LARP1B: variants seen among roughly 807,000 people sequenced by gnomAD.
LARP1B encodes the protein la-related protein 1B.
In LARP1B, 76 loss-of-function variants were observed where a neutral mutation model predicts 114.2. The observed-to-expected ratio is 0.67, with a 90% confidence interval of 0.55 to 0.81. The LOEUF (loss-of-function observed/expected upper bound fraction) is 0.81. Ranked by LOEUF, LARP1B falls within the 30% of genes least tolerant of loss-of-function variation. The pLI is 0.00. For synonymous variants in LARP1B, 345 were observed against 348.0 expected (o/e 0.99, Z 0.10); for missense variants, 1,014 against 1,075.8 (o/e 0.94, Z 0.80).
chr4:128,061,877 C>CG, intron 1 of LARP1B: 1 of 985,178 alleles, frequency 1.0e-6, no homozygotes, highest in Non-Finnish European at 1.2e-6. Context: ...CGCTGGGGCG[C>CG]GGGGAGAGCC....
At chr4:128,098,149 C>T (rs1465837125) in intron 7 of LARP1B, 37 bp from the exon 8 acceptor site, 3 of 1,484,498 alleles carry the variant, frequency 2.0e-6, no homozygotes, top group East Asian at 4.5e-5. Context: ...TTATTTCCTA[C>T]TAAATAAATG....
At chr4:128,085,121 C>A (rs1454895271) in intron 5 of LARP1B, among the ~76,000 whole-genome samples, 1 of 152,170 alleles carries the variant, frequency 6.6e-6, no homozygotes, top group Non-Finnish European at 1.5e-5. Flanking sequence ...ACCTCGATGT[C>A]CCAAAGTGCT....
intron 11 of LARP1B, chr4:128,156,223 C>G (rs1272186467): frequency 1.3e-6 from 2 of 1,529,766 alleles, no homozygotes; most frequent in African/African-American, 2.7e-5. Flanking sequence ...AGCCTTACTC[C>G]CTGCAGGTGC....
At chr4:128,139,355 T>C (rs1386042555) in intron 11 of LARP1B, among the ~76,000 whole-genome samples, 3 of 152,070 alleles carry the variant, frequency 2.0e-5, no homozygotes, top group African/African-American at 4.8e-5. Context: ...AAGTCAGGCA[T>C]AGTGCTGTGC....
At position 128,206,519 on chromosome 4, in the gene LARP1B, A is replaced by G. The variant is rs1288398941; in HGVS notation, c.2401A>G (p.Lys801Glu). 1 of 1,610,644 alleles carries G rather than the reference A, an allele frequency of 6.2e-7. No individual in the cohort carries two copies. The highest frequency in any genetic ancestry group is 1.7e-5 in the Admixed American group (1 of 59,606). Residue 801 changes from lysine to glutamate, a missense_variant, in exon 18 of 20, where the codon AAA becomes GAA. Lys to Glu is a moderately conservative substitution (Grantham distance 56). Coordinates refer to ENST00000326639, the MANE Select transcript of LARP1B (RefSeq NM_018078.4). Reference protein sequence around the residue: ...EIFQDFQEETKKDYESGQLYG... With the variant: ...EIFQDFQEETEKDYESGQLYG... ...TTTTCAGGATTTCCAAGAAGAAACC[A>G]AAAAAGACTACGAATCTGGTAACAA... is the stretch of plus-strand genomic sequence containing the variant.
chr4:128,210,131 C>T lies in LARP1B; in HGVS notation c.*78C>T. 6.3e-7 allele frequency: 1 copy of T among 1,595,754 alleles called. No individual in the cohort carries two copies. On this transcript the variant is annotated 3_prime_UTR_variant, in exon 20 of 20. Transcript: ENST00000326639. ...TAGACTCTTATGAAAGTTCTTTGTC[C>T]TTGAAGTCAACATTTACATCAGTAT... is the stretch of plus-strand genomic sequence containing the variant.
chr4:128,210,388 T>TA lies in LARP1B; in HGVS notation c.*341dup, dbSNP rs1287947913. 1 of 1,069,898 alleles carries TA rather than the reference T, an allele frequency of 9.3e-7. No individual in the cohort carries two copies. The highest frequency in any genetic ancestry group is 1.1e-6 in the Non-Finnish European group (1 of 881,776). The allele number at this position is 1,069,898 out of a possible 1,614,324, so 66.3% of individuals were successfully genotyped here. ...AAAAACAGCATTCCTTAAATATATT[T>TA]AAAAAACAATACAAGGAATGCCTAA... On this transcript the variant is annotated 3_prime_UTR_variant, in exon 20 of 20. Coordinates refer to ENST00000326639, the MANE Select transcript of LARP1B (RefSeq NM_018078.4).
intron 7 of LARP1B, among the ~76,000 whole-genome samples, chr4:128,093,991 G>A (rs536635127): frequency 1.1e-4 from 16 of 151,746 alleles, no homozygotes; most frequent in African/African-American, 1.5e-4. Flanking sequence ...GATTACAGGC[G>A]TGAACCACCG....
chr4:128,087,657 T>C (rs1447749505), intron 5 of LARP1B, among the ~76,000 whole-genome samples: 1 of 152,182 alleles, frequency 6.6e-6, no homozygotes, highest in Non-Finnish European at 1.5e-5. Context: ...AGTTTCCTAG[T>C]ACCATCTAAA....
intron 15 of LARP1B, among the ~76,000 whole-genome samples, chr4:128,187,531 C>T (rs1168293325): frequency 6.6e-6 from 1 of 152,180 alleles, no homozygotes; most frequent in Non-Finnish European, 1.5e-5. Flanking sequence ...TTGGAAGTAC[C>T]TACCTTGTTT....
At chr4:128,137,501 A>G (rs1270343661) in intron 11 of LARP1B, among the ~76,000 whole-genome samples, 11 of 152,092 alleles carry the variant, frequency 7.2e-5, no homozygotes. Context: ...TGCATTTTTT[A>G]TATTCCATTG....
intron 11 of LARP1B, among the ~76,000 whole-genome samples, chr4:128,142,926 C>T (rs1288016423): frequency 1.3e-5 from 2 of 152,162 alleles, no homozygotes; most frequent in African/African-American, 4.8e-5. Flanking sequence ...TAACTGTAGT[C>T]ACTCTCTCTT....
chr4:128,176,650 T>G (rs1746304887), intron 12 of LARP1B, among the ~76,000 whole-genome samples: 3 of 152,182 alleles, frequency 2.0e-5, no homozygotes, highest in Non-Finnish European at 4.4e-5. Flanking sequence ...CAATTAAGTT[T>G]AGCATTCCTT....
intron 16 of LARP1B, 79 bp downstream of exon 16, chr4:128,199,678 AT>A: frequency 9.1e-6 from 6 of 659,714 alleles, no homozygotes; most frequent in Non-Finnish European, 1.3e-5. Context: ...TTGTCATTTA[AT>A]ATCAGGTTAA....
chr4:128,061,622 G>C, intron 1 of LARP1B: 4 of 951,820 alleles, frequency 4.2e-6, no homozygotes, highest in Non-Finnish European at 5.0e-6. Context: ...CCGGTGTCCC[G>C]GCGGAGAGAC....
chr4:128,113,781 CTTTTTTT>C (rs1156610852), intron 9 of LARP1B, among the ~76,000 whole-genome samples: 1 of 114,248 alleles, frequency 8.8e-6, no homozygotes. Flanking sequence ...GACATTTACT[CTTTTTTT>C]TTTTTTTTTT....
chr4:128,199,959 G>A (rs1264135076), intron 16 of LARP1B, among the ~76,000 whole-genome samples: 1 of 152,058 alleles, frequency 6.6e-6, no homozygotes, highest in East Asian at 1.9e-4. Flanking sequence ...GATGGCAGGC[G>A]CCTGTAATCC....
At chr4:128,221,417 C>T (rs565894920) in intron 7 of LARP1B, among the ~76,000 whole-genome samples, 7 of 152,290 alleles carry the variant, frequency 4.6e-5, no homozygotes, top group African/African-American at 1.7e-4. Flanking sequence ...CACTCTGTGT[C>T]AGTTTTCTGA....
At chr4:128,114,996 G>T (rs889575645) in intron 10 of LARP1B, among the ~76,000 whole-genome samples, 1 of 151,476 alleles carries the variant, frequency 6.6e-6, no homozygotes, top group Non-Finnish European at 1.5e-5. Context: ...GGAGTGCAGT[G>T]GCGCGATCTT....
Sources: allele counts gnomAD v4.1 joint callset (sites outside exome capture counted in the v4.1 genomes callset), GRCh38; gene constraint gnomAD v4.1.1; transcripts MANE v1.5; gene names NCBI Gene and HGNC (gene_info 2026-07-23, HGNC 2026-07-21).